Variants in SCYL2 observed in about 807,000 individuals in gnomAD.
SCYL2 encodes the protein SCY1-like protein 2.
A neutral mutation model predicts 100.4 loss-of-function variants in SCYL2; 36 were observed. That is an observed-to-expected ratio of 0.36 (90% CI 0.27 to 0.47). SCYL2 has a LOEUF of 0.47. SCYL2 is among the 20% of genes least tolerant of loss of function. SCYL2 has a pLI of 1.00. For synonymous variants in SCYL2, 330 were observed against 359.2 expected, an observed-to-expected ratio of 0.92 and a Z score of 0.92; for missense variants, 902 against 1,083.9, an observed-to-expected ratio of 0.83 and a Z score of 2.36.
intron 2 of SCYL2, among the ~76,000 whole-genome samples, chr12:100,287,491 C>G (rs758720502): frequency 2.6e-5 from 4 of 152,106 alleles, no homozygotes; most frequent in Non-Finnish European, 4.4e-5. Flanking sequence ...TAAATTAGGT[C>G]TGTATCAAAT....
At chr12:100,298,857 C>G (rs148153057) in intron 4 of SCYL2, among the ~76,000 whole-genome samples, 2,174 of 152,272 alleles carry the variant, frequency 0.014, 23 homozygotes, top group Non-Finnish European at 0.022. Flanking sequence ...GCTGGGATTA[C>G]AAGAGTGAGC....
At chr12:100,284,213 G>A (rs942043411) in intron 2 of SCYL2, among the ~76,000 whole-genome samples, 1 of 152,224 alleles carries the variant, frequency 6.6e-6, no homozygotes, top group Non-Finnish European at 1.5e-5. Context: ...GTTCTAGGTA[G>A]TTGTGGTAAT....
chr12:100,322,389 A>AAAAG, intron 10 of SCYL2, among the ~76,000 whole-genome samples: 1 of 151,226 alleles, frequency 6.6e-6, no homozygotes, highest in Non-Finnish European at 1.5e-5. Context: ...AAAAAAAAAA[A>AAAAG]AAAAGAAAAC....
chr12:100,322,354 CAG>C (rs1491219695), intron 10 of SCYL2, among the ~76,000 whole-genome samples: 1 of 107,236 alleles, frequency 9.3e-6, no homozygotes, highest in African/African-American at 3.8e-5. Context: ...GCCTGGGCGA[CAG>C]AGCGAGACTC....
chr12:100,335,224 T>G (rs1029662682), intron 14 of SCYL2, among the ~76,000 whole-genome samples: 3 of 152,108 alleles, frequency 2.0e-5, no homozygotes, highest in African/African-American at 7.2e-5. Flanking sequence ...ATCTTACCTA[T>G]TTCTCAGGAC....
intron 4 of SCYL2, among the ~76,000 whole-genome samples, chr12:100,307,666 C>G (rs1566358972): frequency 6.6e-6 from 1 of 152,108 alleles, no homozygotes; most frequent in Non-Finnish European, 1.5e-5. Context: ...AACTAAAGAG[C>G]TTTTGCACAG....
At chr12:100,270,125 T>G (rs2135782650) in intron 1 of SCYL2, among the ~76,000 whole-genome samples, 2 of 152,088 alleles carry the variant, frequency 1.3e-5, no homozygotes, top group Middle Eastern at 3.4e-3. Flanking sequence ...TAGCTGGGAC[T>G]ACAGGCGCCC....
intron 10 of SCYL2, 51 bp from the exon 11 acceptor site, chr12:100,323,474 G>T: frequency 9.3e-7 from 1 of 1,077,392 alleles, no homozygotes. Flanking sequence ...TAATATCAGA[G>T]AGAAAAGATG....
chr12:100,311,739 G>A (rs2096342431), intron 5 of SCYL2, among the ~76,000 whole-genome samples: 1 of 152,132 alleles, frequency 6.6e-6, no homozygotes, highest in South Asian at 2.1e-4. Flanking sequence ...TGCTTCCAAA[G>A]CACCTTTTCT....
chr12:100,314,416 TG>T, intron 7 of SCYL2, 72 bp from the exon 8 acceptor site: 1 of 1,107,278 alleles, frequency 9.0e-7, no homozygotes, highest in East Asian at 2.6e-5. Context: ...TTTACCATAT[TG>T]TGACAGTTTC....
chr12:100,309,183 G>T (rs2096338739), intron 4 of SCYL2, among the ~76,000 whole-genome samples: 1 of 151,874 alleles, frequency 6.6e-6, no homozygotes, highest in African/African-American at 2.4e-5. Flanking sequence ...TCCTGCGCAG[G>T]GAGGATATAC....
At position 100,338,634 on chromosome 12, in the gene SCYL2, C is replaced by G; in HGVS notation, c.2252C>G (p.Ser751Cys). 6.2e-7 allele frequency: 1 copy of G among 1,614,026 alleles called. No homozygotes were observed. Among genetic ancestry groups the G allele is most frequent in the Non-Finnish European group, 8.5e-7 (1 of 1,179,952 alleles). Residue 751 changes from serine (S) to cysteine (C), a missense_variant, in exon 18 of 18, where the codon TCC (serine) becomes TGC (cysteine). Transcript: ENST00000360820. Reference protein sequence around the residue: ...SASSTFTSVPSMGIGMMFSTP... With the variant: ...SASSTFTSVPCMGIGMMFSTP... ...TCAAGTACTTTCACTTCTGTTCCTT[C>G]CATGGGCATTGGTATGATGTTTTCT...
chr12:100,283,681 T>C (rs1429119321), intron 2 of SCYL2, among the ~76,000 whole-genome samples: 1 of 152,206 alleles, frequency 6.6e-6, no homozygotes, highest in African/African-American at 2.4e-5. Context: ...GGATTTCTTA[T>C]ATATACCTCC....
chr12:100,323,213 A>C (rs1300546087), intron 10 of SCYL2, among the ~76,000 whole-genome samples: 1 of 152,188 alleles, frequency 6.6e-6, no homozygotes, highest in African/African-American at 2.4e-5. Flanking sequence ...TGTTATTTAA[A>C]GATAAACGAG....
At position 100,334,226 on chromosome 12, in the gene SCYL2, A is replaced by T. The variant is rs1442120045; in HGVS notation, c.1822A>T (p.Thr608Ser). 6 of 1,605,484 alleles carry T rather than the reference A, an allele frequency of 3.7e-6. No homozygotes were observed. Among genetic ancestry groups the T allele is most frequent in the Middle Eastern group, 1.7e-4 (1 of 6,046 alleles). ...MLNRLESEHK[T>S]KLEQLHIMQE... The stretch of plus-strand genomic sequence containing the variant: ...TAATAGATTGGAGTCTGAACATAAG[A>T]CTAAACTGGAGCAACTTCATATAAT... Residue 608 changes from threonine (T) to serine (S), a missense_variant, in exon 14 of 18, where the codon ACT (threonine) becomes TCT (serine). Transcript: ENST00000360820.
rs1217115494 is a variant in SCYL2 at position 100,340,434 on chromosome 12, TC to T, written c.*1263del. The T allele has an allele frequency of 1.3e-5, 2 of 152,144 alleles. No homozygotes were observed. The highest frequency in any genetic ancestry group is 2.9e-5 in the Non-Finnish European group (2 of 67,972). The allele number at this position is 152,144 out of a possible 1,614,324, so 9.4% of individuals were successfully genotyped here. A position where few individuals can be genotyped will look rare whatever the true frequency, so the allele number is the denominator to read the frequency against. On this transcript the variant is annotated 3_prime_UTR_variant, in exon 18 of 18. Coordinates refer to ENST00000360820, the MANE Select transcript of SCYL2 (RefSeq NM_017988.6). ...TGTATTTTAAAAAATAATATTCCACTCATAAAACTTTAAAACCATCTTTCAA... is the reference window on the plus strand; with the variant it reads ...TGTATTTTAAAAAATAATATTCCACTATAAAACTTTAAAACCATCTTTCAA...
chr12:100,298,141 T>C lies in SCYL2; in HGVS notation c.446T>C (p.Leu149Pro), dbSNP rs2096323173. 3 of 1,585,464 alleles carry C rather than the reference T, an allele frequency of 1.9e-6. No individual in the cohort carries two copies. In the South Asian group the frequency reaches 3.5e-5, roughly 18 times the overall value. Residue 149 changes from leucine (L) to proline (P), a missense_variant, in exon 4 of 18, where the codon CTT becomes CCT. By Grantham distance (98) the Leu-to-Pro change is moderately conservative. Coordinates refer to ENST00000360820, the MANE Select transcript of SCYL2 (RefSeq NM_017988.6). ...PISPDIKDYK[L>P]YDVETKYGLL... is the part of the protein sequence containing the mutation. The stretch of plus-strand genomic sequence containing the variant: ...TCTCCAGACATTAAGGATTATAAAC[T>C]TTATGATGTAGAAACCAAATATGGT...
intron 3 of SCYL2, among the ~76,000 whole-genome samples, chr12:100,295,335 G>T (rs1416485095): frequency 6.6e-6 from 1 of 152,190 alleles, no homozygotes; most frequent in Non-Finnish European, 1.5e-5. Flanking sequence ...ACTTTGGGAG[G>T]CCAAGGCAGG....
Position 100,312,561 on chromosome 12 carries a change from A to G in SCYL2, c.760A>G (p.Thr254Ala), listed in dbSNP as rs747277285. Residue 254 changes from threonine to alanine, a missense_variant, in exon 6 of 18, where the codon ACT becomes GCT. Transcript: ENST00000360820. ...AGCCAGTGATATGTATTCTTTAGGAACTGTTATGTATGCTGTATTTAATAA... is the reference window on the plus strand; with the variant it reads ...AGCCAGTGATATGTATTCTTTAGGAGCTGTTATGTATGCTGTATTTAATAA... The part of the protein sequence containing the change: ...ETASDMYSLG[T>A]VMYAVFNKGK... The G allele has an allele frequency of 3.7e-6, 6 of 1,612,846 alleles. No homozygotes were observed. In the South Asian group the frequency reaches 4.4e-5, roughly 12 times the overall value.
Sources: gnomAD v4.1 joint callset for allele counts (sites outside exome capture counted in the v4.1 genomes callset) on GRCh38, gnomAD v4.1.1 for gene constraint, MANE v1.5 for transcripts, NCBI Gene and HGNC (gene_info 2026-07-23, HGNC 2026-07-21) for gene names.